Variants in ANTXR2 observed in about 807,000 individuals in gnomAD.
ANTXR2 encodes ANTXR cell adhesion molecule 2, also known as anthrax toxin receptor 2.
A neutral mutation model predicts 73.7 loss-of-function variants in ANTXR2; 44 were observed. The observed-to-expected ratio is 0.60, with a 90% confidence interval of 0.47 to 0.77. ANTXR2 has a LOEUF of 0.77. ANTXR2 is among the 30% of genes least tolerant of loss of function. The probability of loss-of-function intolerance (pLI) is 0.00; values close to 1 mark genes in which losing one functional copy is unlikely to be tolerated. For synonymous variants in ANTXR2, 217 were observed against 205.9 expected (o/e 1.05, Z -0.46); for missense variants, 604 against 592.5 (o/e 1.02, Z -0.20).
intron 3 of ANTXR2, among the ~76,000 whole-genome samples, chr4:80,062,827 G>C (rs1017044626): frequency 6.6e-6 from 1 of 152,170 alleles, no homozygotes; most frequent in Non-Finnish European, 1.5e-5. Context: ...CCTGGCTCTA[G>C]CTGCTTAGCT....
chr4:80,030,271 T>C (rs1192342484), intron 10 of ANTXR2, among the ~76,000 whole-genome samples: 1 of 152,014 alleles, frequency 6.6e-6, no homozygotes, highest in Non-Finnish European at 1.5e-5. Flanking sequence ...GAGCTGCCAA[T>C]AACTAAAATG....
At chr4:79,980,092 A>C (rs1729820825) in intron 14 of ANTXR2, among the ~76,000 whole-genome samples, 1 of 152,144 alleles carries the variant, frequency 6.6e-6, no homozygotes, top group Non-Finnish European at 1.5e-5. Context: ...AGCTAGTTAA[A>C]CTAGAGTTCT....
intron 6 of ANTXR2, 121 bp downstream of exon 6, chr4:80,055,029 C>G: frequency 1.1e-6 from 1 of 878,084 alleles, no homozygotes; most frequent in Non-Finnish European, 1.7e-6. Context: ...ACAGCCATTT[C>G]TATAAAAAAT....
At chr4:80,034,641 C>A (rs969748443) in intron 8 of ANTXR2, among the ~76,000 whole-genome samples, 1 of 152,064 alleles carries the variant, frequency 6.6e-6, no homozygotes, top group African/African-American at 2.4e-5. Context: ...TAGGCATTGA[C>A]AATAAATAGT....
chr4:79,927,547 A>C (rs1022237201), intron 16 of ANTXR2, among the ~76,000 whole-genome samples: 1 of 152,160 alleles, frequency 6.6e-6, no homozygotes, highest in Admixed American at 6.6e-5. Context: ...TATAGTGTCT[A>C]ATACAATGTA....
At chr4:80,035,910 A>G in intron 8 of ANTXR2, 62 bp downstream of exon 8, 1 of 1,360,106 alleles carries the variant, frequency 7.4e-7, no homozygotes, top group South Asian at 1.4e-5. Flanking sequence ...TTCATATCAT[A>G]TATTTTAGCT....
At chr4:79,980,609 G>A (rs1259454297) in intron 14 of ANTXR2, among the ~76,000 whole-genome samples, 1 of 151,944 alleles carries the variant, frequency 6.6e-6, no homozygotes, top group African/African-American at 2.4e-5. Flanking sequence ...TCATTGAGGA[G>A]CAATTTCAGA....
chr4:79,975,075 T>A (rs1729572929), intron 16 of ANTXR2, among the ~76,000 whole-genome samples: 1 of 152,176 alleles, frequency 6.6e-6, no homozygotes, highest in South Asian at 2.1e-4. Context: ...ATCTTTCTGG[T>A]TTTCACTTCT....
At chr4:80,023,156 C>T (rs2110073523) in intron 10 of ANTXR2, among the ~76,000 whole-genome samples, 1 of 152,254 alleles carries the variant, frequency 6.6e-6, no homozygotes, top group South Asian at 2.1e-4. Context: ...CTATTCTGCT[C>T]ACTGCCATAT....
At chr4:79,998,189 A>G (rs931600228) in intron 12 of ANTXR2, among the ~76,000 whole-genome samples, 5 of 151,988 alleles carry the variant, frequency 3.3e-5, no homozygotes, top group South Asian at 4.1e-4. Flanking sequence ...CGTGAGATCA[A>G]CTAACTTATA....
chr4:79,978,120 T>C lies in ANTXR2; in HGVS notation c.1234A>G (p.Lys412Glu), dbSNP rs1423358476. The C allele has an allele frequency of 6.2e-6, 10 of 1,613,892 alleles. No homozygotes were observed. Among genetic ancestry groups the C allele is most frequent in the African/African-American group, 1.3e-5 (1 of 74,926 alleles). Reference protein sequence around the residue: ...TEEGARLEKAKNAVVKIPEET... With the variant: ...TEEGARLEKAENAVVKIPEET... ...TCAGGAATCTTCACCACAGCATTTTTGGCTTTCTCTAGCCTTGCACCTTCC... is the reference window on the plus strand; with the variant it reads ...TCAGGAATCTTCACCACAGCATTTTCGGCTTTCTCTAGCCTTGCACCTTCC... Residue 412 changes from lysine (K) to glutamate (E), a missense_variant, in exon 15 of 17, where the codon AAA becomes GAA. By Grantham distance (56) the Lys-to-Glu change is moderately conservative (BLOSUM62 1). Transcript: ENST00000403729.
At chr4:80,022,463 A>C (rs1732211181) in intron 10 of ANTXR2, among the ~76,000 whole-genome samples, 1 of 152,232 alleles carries the variant, frequency 6.6e-6, no homozygotes, top group African/African-American at 2.4e-5. Context: ...GCCCAAAGCT[A>C]TGCTACTCCT....
chr4:80,072,398 C>A lies in ANTXR2; in HGVS notation c.152+11G>T. The A allele has an allele frequency of 1.3e-6, 2 of 1,588,260 alleles. No individual in the cohort carries two copies. Among genetic ancestry groups the A allele is most frequent in the East Asian group, 4.7e-5 (2 of 42,412 alleles). On this transcript the variant is annotated intron_variant, in intron 1 of 16. Transcript: ENST00000403729. Reference sequence around the variant, plus strand: ...TCACCAGGAGACCCTGGACCTCCCTCGCACACTCACTTGTCCAGGACGAAG... The same window carrying A: ...TCACCAGGAGACCCTGGACCTCCCTAGCACACTCACTTGTCCAGGACGAAG...
At position 79,984,827 on chromosome 4, in the gene ANTXR2, G is replaced by A. The variant is rs1730044390; in HGVS notation, c.1078C>T (p.Pro360Ser). The change falls in exon 13 of 17, where the codon CCA (proline) becomes TCA (serine). Residue 360 changes from proline to serine, a missense_variant. Pro to Ser is a moderately conservative substitution (Grantham distance 74). Coordinates refer to ENST00000403729, the MANE Select transcript of ANTXR2 (RefSeq NM_058172.6). ...TTTAGGCACTCACTTACCTCTTTTG[G>A]TGCAGGGGCGGGTGGTGGTGGAGGA... ...KDPPPPPAPAPKEEEEEPLPT... is the reference protein window; with the variant it reads ...KDPPPPPAPASKEEEEEPLPT... 2 of 1,608,712 alleles carry A rather than the reference G, an allele frequency of 1.2e-6. No individual in the cohort carries two copies. Among genetic ancestry groups the A allele is most frequent in the Non-Finnish European group, 1.7e-6 (2 of 1,177,150 alleles).
At chr4:79,911,418 T>TTTAATAATAATAA in intron 16 of ANTXR2, among the ~76,000 whole-genome samples, 1 of 152,198 alleles carries the variant, frequency 6.6e-6, no homozygotes, top group East Asian at 1.9e-4. Flanking sequence ...GTTAACTAAA[T>TTTAATAATAATAA]GGTTTAATAA....
chr4:80,064,353 A>T (rs1347761083), intron 3 of ANTXR2, among the ~76,000 whole-genome samples: 1 of 152,212 alleles, frequency 6.6e-6, no homozygotes, highest in Non-Finnish European at 1.5e-5. Context: ...TAATCACAAA[A>T]AAAGACAATC....
At chr4:79,930,396 T>C (rs528933865) in intron 16 of ANTXR2, among the ~76,000 whole-genome samples, 38 of 152,280 alleles carry the variant, frequency 2.5e-4, no homozygotes, top group African/African-American at 8.7e-4. Flanking sequence ...ATTAACTACA[T>C]TAAGTTCTAA....
intron 16 of ANTXR2, among the ~76,000 whole-genome samples, chr4:79,961,332 T>C (rs1729133959): frequency 6.6e-6 from 1 of 152,146 alleles, no homozygotes; most frequent in South Asian, 2.1e-4. Context: ...CTGCTCCCCA[T>C]TGGATGATTT....
chr4:79,995,785 T>A (rs1730695573), intron 12 of ANTXR2, among the ~76,000 whole-genome samples: 1 of 151,966 alleles, frequency 6.6e-6, no homozygotes, highest in Admixed American at 6.6e-5. Context: ...TGAATTAAAG[T>A]CCTGACAAGT....
Sources: allele counts gnomAD v4.1 joint callset (sites outside exome capture counted in the v4.1 genomes callset), GRCh38; gene constraint gnomAD v4.1.1; transcripts MANE v1.5; gene names NCBI Gene and HGNC (gene_info 2026-07-23, HGNC 2026-07-21).